The following CAMSAP1 variants were observed in gnomAD, a reference collection of about 807,000 sequenced individuals.
CAMSAP1 encodes the protein calmodulin regulated spectrin associated protein 1, also known as calmodulin-regulated spectrin-associated protein 1.
CAMSAP1 carries 58 observed loss-of-function variants against 143.5 expected under a neutral mutation model. The observed-to-expected ratio is 0.40, with a 90% CI of 0.33 to 0.50. CAMSAP1 has a LOEUF of 0.50. Ranked by LOEUF, CAMSAP1 falls within the 20% of genes least tolerant of loss-of-function variation. The pLI is 0.45. For missense variants in CAMSAP1, 1,969 were observed against 2,115.7 expected (o/e 0.93, Z 1.36); for synonymous variants, 945 against 859.3 (o/e 1.10, Z -1.74).
intron 5 of CAMSAP1, among the ~76,000 whole-genome samples, chr9:135,854,919 C>G (rs942231361): frequency 6.6e-6 from 1 of 152,146 alleles, no homozygotes; most frequent in Non-Finnish European, 1.5e-5. Flanking sequence ...TCTCCCTCCT[C>G]CCACCCTCCA....
Position 135,821,739 on chromosome 9 carries a change from C to T in CAMSAP1, c.2922G>A (p.Val974=). The T allele has an allele frequency of 6.2e-7, 1 of 1,613,998 alleles. No individual in the cohort carries two copies. The highest frequency in any genetic ancestry group is 8.5e-7 in the Non-Finnish European group (1 of 1,179,892). The stretch of plus-strand genomic sequence containing the variant: ...GAGCAAAGGCCAGGCTCTCTTTGTC[C>T]ACATCCTGTGGCTCGTGAAGGAGCT... ...REELLHEPQD[V]DKESLAFAQQ... The change falls in exon 11 of 17, where the codon GTG becomes GTA. Residue 974 remains valine (V), a synonymous_variant. Transcript: ENST00000389532. This position sits in a 1 kb window ranked among gnomAD's most constrained non-coding sequence, Gnocchi z 4.6.
chr9:135,847,740 G>A (rs1402498652), intron 7 of CAMSAP1, among the ~76,000 whole-genome samples: 4 of 141,318 alleles, frequency 2.8e-5, no homozygotes, highest in Admixed American at 7.3e-5. Context: ...TAGGGAAAAC[G>A]CCTAATGTAG....
chr9:135,874,502 G>A (rs920596717), intron 3 of CAMSAP1, among the ~76,000 whole-genome samples: 20 of 149,136 alleles, frequency 1.3e-4, no homozygotes, highest in African/African-American at 4.2e-4. Context: ...CACAGGGGCC[G>A]GGAACTCCTA....
At chr9:135,905,273 C>A (rs1588517961) in intron 1 of CAMSAP1, among the ~76,000 whole-genome samples, 2 of 152,240 alleles carry the variant, frequency 1.3e-5, no homozygotes, top group Non-Finnish European at 2.9e-5. Context: ...GTACTTATTT[C>A]TGGATGGCTG....
chr9:135,831,029 G>A (rs530645571), intron 7 of CAMSAP1, among the ~76,000 whole-genome samples: 9 of 152,156 alleles, frequency 5.9e-5, no homozygotes, highest in Non-Finnish European at 1.2e-4. Context: ...AAAATTAGCT[G>A]AGCGTGGTGG....
At position 135,816,962 on chromosome 9, in the gene CAMSAP1, G is replaced by C. The variant is rs182881548; in HGVS notation, c.4272-957C>G. 1.2e-3 allele frequency among the ~76,000 whole-genome samples: 179 copies of C among 152,288 alleles called. 2 individuals carry two copies. Among genetic ancestry groups the C allele is most frequent in the Non-Finnish European group, 1.0e-3 (68 of 68,030 alleles). The stretch of plus-strand genomic sequence containing the variant: ...GAGCGGTCCCGGGGCCCACCTGAGA[G>C]GCTGCGTTGAGAAAGACGCACACTC... On this transcript the variant is annotated intron_variant, in intron 14 of 16. Coordinates refer to ENST00000389532, the MANE Select transcript of CAMSAP1 (RefSeq NM_015447.4).
chr9:135,828,848 C>T (rs1036156232), intron 7 of CAMSAP1, among the ~76,000 whole-genome samples: 2 of 152,208 alleles, frequency 1.3e-5, no homozygotes, highest in South Asian at 4.1e-4. Context: ...ATTAGACTAT[C>T]AGTAGGTTTC....
In CAMSAP1 at chr9:135,821,895, G is replaced by A; in HGVS notation, c.2766C>T (p.Gly922=). Residue 922 remains glycine (G), a synonymous_variant, in exon 11 of 17, where the codon GGC becomes GGT. Transcript: ENST00000389532. This position sits in a 1 kb window ranked among gnomAD's most constrained non-coding sequence, Gnocchi z 4.6. ...TGAGGGGTGGGGCAGCCTCGGCCTT[G>A]CCCTTCTTCACCACATGCAGGAATG... ...KAAFLHVVKK[G]KAEAAPPLRP... 3.7e-6 allele frequency: 6 copies of A among 1,613,966 alleles called. No homozygotes were observed. Among genetic ancestry groups the A allele is most frequent in the Non-Finnish European group, 5.1e-6 (6 of 1,179,916 alleles).
chr9:135,812,155 A>G, intron 16 of CAMSAP1, among the ~76,000 whole-genome samples: 1 of 152,226 alleles, frequency 6.6e-6, no homozygotes, highest in East Asian at 1.9e-4. Flanking sequence ...TATAAATAAC[A>G]GCACTATCCC....
At chr9:135,847,916 GA>G (rs1836624931) in intron 7 of CAMSAP1, among the ~76,000 whole-genome samples, 1 of 27,134 alleles carries the variant, frequency 3.7e-5, no homozygotes. Context: ...AAGGGGAGGG[GA>G]GTGGGGGAGG....
intron 4 of CAMSAP1, among the ~76,000 whole-genome samples, chr9:135,863,133 A>G (rs1339940584): frequency 1.3e-5 from 2 of 152,244 alleles, no homozygotes; most frequent in African/African-American, 4.8e-5. Flanking sequence ...AAAATTTCTC[A>G]TAACACAACC....
intron 7 of CAMSAP1, 128 bp downstream of exon 7, chr9:135,850,009 G>A (rs1232653646): frequency 4.3e-6 from 3 of 690,336 alleles, no homozygotes; most frequent in Admixed American, 3.5e-5. Context: ...CCGTCCCTGG[G>A]ATTCTGACTC....
At chr9:135,836,417 TAC>T (rs1477209560) in intron 7 of CAMSAP1, 1 of 982,266 alleles carries the variant, frequency 1.0e-6, no homozygotes, top group Non-Finnish European at 1.2e-6. Context: ...TACTCCGTTC[TAC>T]AGACACGTCA....
intron 7 of CAMSAP1, among the ~76,000 whole-genome samples, chr9:135,829,346 A>G (rs1835777097): frequency 6.6e-6 from 1 of 151,774 alleles, no homozygotes; most frequent in Non-Finnish European, 1.5e-5. Flanking sequence ...TACTGAAAAA[A>G]AAAAAAAAAT....
rs552535383 is a variant in CAMSAP1, at chr9:135,862,558, C to T, written c.717G>A (p.Pro239=). 1.5e-5 allele frequency: 23 copies of T among 1,551,564 alleles called. No individual in the cohort carries two copies. The highest frequency in any genetic ancestry group is 1.8e-5 in the Non-Finnish European group (21 of 1,147,008). Residue 239 remains proline, a synonymous_variant, in exon 5 of 17, where the codon CCG becomes CCA. Transcript: ENST00000389532. ...CGTCTCTCATCAAATCCTCCAACAA[C>T]GGGAAGTAGGGTGACTGCCTAGCAG... ...HLSARQSPYF[P]LLEDLMRDGS...
chr9:135,889,782 C>G (rs1257577765), intron 1 of CAMSAP1, among the ~76,000 whole-genome samples: 2 of 152,216 alleles, frequency 1.3e-5, no homozygotes, highest in Non-Finnish European at 2.9e-5. Flanking sequence ...GAGTGGAGCA[C>G]AAACTCTAAG....
rs1835333964 is a variant in CAMSAP1, at chr9:135,818,755, G to A, written c.3960-139C>T. ...AAGAGTGGCCAGCCTCCACAAGCGG[G>A]ACACAGAGGCTGCAAAGGCAGTCCT... is the stretch of plus-strand genomic sequence containing the variant. On this transcript the variant is annotated intron_variant, in intron 12 of 16. Coordinates refer to ENST00000389532, the MANE Select transcript of CAMSAP1 (RefSeq NM_015447.4). The surrounding 1 kb of genome is among the most constrained non-coding windows in gnomAD (Gnocchi z 7.7). 3.4e-6 allele frequency: 4 copies of A among 1,168,284 alleles called. No homozygotes were observed. Among genetic ancestry groups the A allele is most frequent in the African/African-American group, 3.1e-5 (2 of 64,986 alleles). 72.4% of individuals were successfully genotyped at this position (1,168,284 alleles called of 1,614,324 possible).
At chr9:135,851,324 A>G (rs762864747) in intron 5 of CAMSAP1, among the ~76,000 whole-genome samples, 3 of 152,242 alleles carry the variant, frequency 2.0e-5, no homozygotes, top group Non-Finnish European at 4.4e-5. Flanking sequence ...AGAAGTACGT[A>G]CAAACTGGAG....
chr9:135,882,839 G>C lies in CAMSAP1; in HGVS notation c.400C>G (p.Leu134Val). The change falls in exon 2 of 17, where the codon CTC (leucine) becomes GTC (valine). Residue 134 changes from leucine (L) to valine (V), a missense_variant. Around this residue, in one of 4 missense-constraint regions of CAMSAP1, gnomAD observed 215 missense variants for 196.2 expected, o/e 1.10. Coordinates refer to ENST00000389532, the MANE Select transcript of CAMSAP1 (RefSeq NM_015447.4). The surrounding 1 kb of genome is among the most constrained non-coding windows in gnomAD (Gnocchi z 4.9). ...ACCATTTTTATGGGTGCGCGACTGA[G>C]GTCGGACTCTGTCACGGGGGTGTCA... is the stretch of plus-strand genomic sequence containing the variant. Reference protein sequence around the residue: ...SDDTPVTESDLSRAPIKMSAH... With the variant: ...SDDTPVTESDVSRAPIKMSAH... The C allele has an allele frequency of 6.4e-7, 1 of 1,551,242 alleles. No individual in the cohort carries two copies. The highest frequency in any genetic ancestry group is 1.7e-4 in the Middle Eastern group (1 of 5,988).
Sources: gnomAD v4.1 joint callset for allele counts (sites outside exome capture counted in the v4.1 genomes callset) on GRCh38, gnomAD v4.1.1 for gene constraint, gnomAD v4.1.1 regional missense constraint, Gnocchi (gnomAD v3.1) non-coding constraint, MANE v1.5 for transcripts, NCBI Gene and HGNC (gene_info 2026-07-23, HGNC 2026-07-21) for gene names.